TP63: variants seen among roughly 807,000 people sequenced by gnomAD.
TP63 encodes tumor protein p63, also known as tumor protein 63.
A neutral mutation model predicts 82.8 loss-of-function variants in TP63; 17 were observed. The observed-to-expected ratio is 0.21, with a 90% CI of 0.14 to 0.31. TP63 has a LOEUF of 0.31. TP63 is among the 10% of genes least tolerant of loss of function. The pLI, the probability that TP63 is intolerant of heterozygous loss-of-function variation, is 1.00. For missense variants in TP63, 648 were observed against 895.3 expected, an observed-to-expected ratio of 0.72 and a Z score of 3.52; for synonymous variants, 330 against 321.7, an observed-to-expected ratio of 1.03 and a Z score of -0.28.
chr3:189,630,230 C>T (rs1017448189), upstream of TP63, among the ~76,000 whole-genome samples: 5 of 152,124 alleles, frequency 3.3e-5, no homozygotes, highest in Non-Finnish European at 5.9e-5. Flanking sequence ...CAGGTGTGTC[C>T]TGTGACTAGG....
intron 4 of TP63, among the ~76,000 whole-genome samples, chr3:189,810,487 A>G (rs936977843): frequency 1.3e-5 from 2 of 152,156 alleles, no homozygotes; most frequent in African/African-American, 4.8e-5. Flanking sequence ...TTAGAAAACC[A>G]TGGGGATGAA....
intron 1 of TP63, among the ~76,000 whole-genome samples, chr3:189,736,287 G>A (rs1720590076): frequency 6.6e-6 from 1 of 151,472 alleles, no homozygotes; most frequent in South Asian, 2.1e-4. Flanking sequence ...TACCTCTCTG[G>A]CTTAATCTCC....
At chr3:189,614,785 C>T in the TP63 span, among the ~76,000 whole-genome samples, 1 of 152,122 alleles carries the variant, frequency 6.6e-6, no homozygotes, top group African/African-American at 2.4e-5. Context: ...GGGGTAATCT[C>T]CTAATATTAA....
At chr3:189,605,981 A>C in the TP63 span, among the ~76,000 whole-genome samples, 1 of 152,222 alleles carries the variant, frequency 6.6e-6, no homozygotes, top group Non-Finnish European at 1.5e-5. Context: ...TCTTCCTGCC[A>C]TAACACTGTG....
At chr3:189,741,032 T>A (rs1348853249) in intron 3 of TP63, among the ~76,000 whole-genome samples, 1 of 152,090 alleles carries the variant, frequency 6.6e-6, no homozygotes, top group Non-Finnish European at 1.5e-5. Context: ...TAGGTCCCCA[T>A]AGTAGGAGAT....
chr3:189,792,499 TAGAA>T (rs1725250815), intron 3 of TP63, among the ~76,000 whole-genome samples: 1 of 152,068 alleles, frequency 6.6e-6, no homozygotes, highest in Admixed American at 6.6e-5. Flanking sequence ...AACTCCTTCT[TAGAA>T]AGAGATATTT....
chr3:189,875,616 A>G (rs1222232983), intron 10 of TP63, among the ~76,000 whole-genome samples: 1 of 108,700 alleles, frequency 9.2e-6, no homozygotes, highest in African/African-American at 4.4e-5. Flanking sequence ...ATATATATAT[A>G]TATATATATA....
At chr3:189,870,917 T>C (rs1718344881) in intron 9 of TP63, among the ~76,000 whole-genome samples, 1 of 152,154 alleles carries the variant, frequency 6.6e-6, no homozygotes, top group South Asian at 2.1e-4. Context: ...TTCCTCATCT[T>C]CTTTGGGTCC....
intron 9 of TP63, among the ~76,000 whole-genome samples, chr3:189,870,874 G>A (rs894897999): frequency 5.9e-5 from 9 of 152,118 alleles, no homozygotes; most frequent in Admixed American, 6.6e-5. Flanking sequence ...TTGAACTAAC[G>A]AAAGTCAACG....
At chr3:189,787,906 ATC>A (rs1420862832) in intron 3 of TP63, among the ~76,000 whole-genome samples, 6 of 151,954 alleles carry the variant, frequency 3.9e-5, no homozygotes, top group Non-Finnish European at 7.4e-5. Flanking sequence ...ACGTCCAGAA[ATC>A]TGTTTTTAAA....
chr3:189,645,796 G>C lies in TP63; in HGVS notation c.62+14219G>C, dbSNP rs1462995554. Among the ~76,000 whole-genome samples the C allele has an allele frequency of 4.1e-5, 6 of 146,502 alleles. 1 individual carries two copies. Among genetic ancestry groups the C allele is most frequent in the African/African-American group, 1.5e-4 (6 of 39,006 alleles). ...TTGTGATAGTTTGCTCAGAATGATG[G>C]TTTCCAGCTTCATCCATGTCCCTAC... On this transcript the variant is annotated intron_variant, in intron 1 of 13. Transcript: ENST00000264731.
intron 1 of TP63, among the ~76,000 whole-genome samples, chr3:189,697,713 C>T (rs1024307979): frequency 6.6e-6 from 1 of 151,988 alleles, no homozygotes; most frequent in African/African-American, 2.4e-5. Flanking sequence ...TTATTTAGAT[C>T]TTGCTTGAAT....
intron 2 of TP63, 108 bp from the exon 3 acceptor site, chr3:189,738,534 A>G (rs1720759371): frequency 5.9e-6 from 9 of 1,536,784 alleles, no homozygotes; most frequent in South Asian, 4.5e-5. Context: ...CAAGAAACCA[A>G]TGAGCCTTGC....
At chr3:189,633,008 T>A (rs1487748714) in intron 1 of TP63, among the ~76,000 whole-genome samples, 2 of 152,076 alleles carry the variant, frequency 1.3e-5, no homozygotes, top group African/African-American at 4.8e-5. Context: ...CCAGGGAAGC[T>A]TTAGAAGAAA....
In TP63 at chr3:189,867,954, A is replaced by T. The variant is rs1172905814; in HGVS notation, c.992+12A>T. On this transcript the variant is annotated intron_variant, in intron 7 of 13. Coordinates refer to ENST00000264731, the MANE Select transcript of TP63 (RefSeq NM_003722.5). Reference sequence around the variant, plus strand: ...CTGGAAACCAGAGAGTAAGTGGCGTATGTAAAATTGTCATTCTACACAAAA... The same window carrying T: ...CTGGAAACCAGAGAGTAAGTGGCGTTTGTAAAATTGTCATTCTACACAAAA... 1 of 1,608,138 alleles carries T rather than the reference A, an allele frequency of 6.2e-7. No individual in the cohort carries two copies. Among genetic ancestry groups the T allele is most frequent in the East Asian group, 2.2e-5 (1 of 44,810 alleles).
In TP63 at chr3:189,867,868, C is replaced by T. The variant is rs779741406; in HGVS notation, c.918C>T (p.Phe306=). 130 of 1,613,946 alleles carry T rather than the reference C, an allele frequency of 8.1e-5. No homozygotes were observed. The highest frequency in any genetic ancestry group is 1.1e-4 in the Non-Finnish European group (128 of 1,179,960). Residue 306 remains phenylalanine (F), a synonymous_variant, in exon 7 of 14, where the codon TTC becomes TTT. Transcript: ENST00000264731. ...GTEFTTVLYN[F]MCNSSCVGGM... ...AATTCACGACAGTCTTGTACAATTTCATGTGTAACAGCAGTTGTGTTGGAG... is the reference window on the plus strand; with the variant it reads ...AATTCACGACAGTCTTGTACAATTTTATGTGTAACAGCAGTTGTGTTGGAG...
intron 5 of TP63, 122 bp downstream of exon 5, chr3:189,864,540 CCTT>C: frequency 2.7e-5 from 12 of 443,282 alleles, no homozygotes; most frequent in Non-Finnish European, 4.2e-5. Flanking sequence ...GATCAGTCTG[CCTT>C]TTTTTTTTTT....
At position 189,645,933 on chromosome 3, in the gene TP63, T is replaced by C. The variant is rs1712389840; in HGVS notation, c.62+14356T>C. Among the ~76,000 whole-genome samples the C allele has an allele frequency of 1.4e-5, 2 of 147,444 alleles. 1 individual carries two copies. Among genetic ancestry groups the C allele is most frequent in the Non-Finnish European group, 3.0e-5 (2 of 67,376 alleles). The stretch of plus-strand genomic sequence containing the variant: ...CATAAGCTGATTCCATATTTTTGCA[T>C]TTGTGAATTGTGTTACTATAAACAT... On this transcript the variant is annotated intron_variant, in intron 1 of 13. Coordinates refer to ENST00000264731, the MANE Select transcript of TP63 (RefSeq NM_003722.5).
intron 10 of TP63, among the ~76,000 whole-genome samples, chr3:189,882,606 G>A (rs753158626): frequency 1.2e-4 from 18 of 152,062 alleles, no homozygotes; most frequent in Non-Finnish European, 1.9e-4. Context: ...AATCCTACTA[G>A]AGGGTTGCTT....
Sources: gnomAD v4.1 joint callset for allele counts (sites outside exome capture counted in the v4.1 genomes callset) on GRCh38, gnomAD v4.1.1 for gene constraint, MANE v1.5 for transcripts, NCBI Gene and HGNC (gene_info 2026-07-23, HGNC 2026-07-21) for gene names.